The following DLG2 variants were observed in gnomAD, a reference collection of about 807,000 sequenced individuals.
DLG2 encodes the protein disks large homolog 2.
In DLG2, 45 loss-of-function variants were observed where a neutral mutation model predicts 132.5. The ratio of observed to expected loss-of-function variants is 0.34; its 90% CI spans 0.27 to 0.44. DLG2 has a LOEUF of 0.44. Among genes scored for constraint, DLG2 ranks in the 20% least tolerant of loss-of-function variants. DLG2 has a pLI of 1.00. For synonymous variants in DLG2, 424 were observed against 419.6 expected (o/e 1.01, Z -0.13); for missense variants, 1,045 against 1,196.9 (o/e 0.87, Z 1.87).
intron 3 of DLG2, among the ~76,000 whole-genome samples, chr11:85,538,497 C>T (rs1415284686): frequency 6.6e-6 from 1 of 151,840 alleles, no homozygotes; most frequent in Non-Finnish European, 1.5e-5. Flanking sequence ...TGGGTATATG[C>T]TCAAAGGAAT....
chr11:85,338,661 T>G (rs1002293672), intron 3 of DLG2, among the ~76,000 whole-genome samples: 5 of 151,854 alleles, frequency 3.3e-5, no homozygotes, highest in African/African-American at 9.7e-5. Flanking sequence ...ACTGCATCAC[T>G]TCCTTCCATC....
intron 6 of DLG2, among the ~76,000 whole-genome samples, chr11:85,027,302 G>T (rs757782955): frequency 6.7e-6 from 1 of 148,236 alleles, no homozygotes; most frequent in Non-Finnish European, 1.5e-5. Context: ...GTTAACACCA[G>T]CAATGTCTGG....
Position 84,654,785 on chromosome 11 carries a change from T to C in DLG2, c.358-120054A>G, listed in dbSNP as rs58217367. ...CATCACATTCATTCCCTTACTTTAG[T>C]AGTGTGTGCTGGCATGAAGTTCAGA... On this transcript the variant is annotated intron_variant, in intron 6 of 27. Transcript: ENST00000376104. Among the ~76,000 whole-genome samples, 876 of 152,248 alleles carry C rather than the reference T, an allele frequency of 5.8e-3. 7 individuals carry two copies. The highest frequency in any genetic ancestry group is 0.031 in the Middle Eastern group (9 of 294).
intron 6 of DLG2, among the ~76,000 whole-genome samples, chr11:84,590,222 GCTC>G (rs1212000659): frequency 6.6e-6 from 1 of 152,166 alleles, no homozygotes; most frequent in Non-Finnish European, 1.5e-5. Flanking sequence ...AATGGGATCA[GCTC>G]CTGAATTACC....
chr11:84,703,181 T>A (rs192499654), intron 6 of DLG2, among the ~76,000 whole-genome samples: 78 of 151,790 alleles, frequency 5.1e-4, no homozygotes, highest in African/African-American at 1.9e-3. Context: ...ATGAATGAAG[T>A]GTTCCTATGC....
At position 84,877,512 on chromosome 11, in the gene DLG2, C is replaced by CTTTTTTTTTTTTT. The variant is rs60339036; in HGVS notation, c.357+234136_357+234148dup. ...TCAGAGACTAGGATTGCAACCCCTG[C>CTTTTTTTTTTTTT]TTTTTTTTTTTTTTTTTTTTTTGCT... On this transcript the variant is annotated intron_variant, in intron 6 of 27. Coordinates refer to ENST00000376104, the MANE Select transcript of DLG2 (RefSeq NM_001142699.3). Among the ~76,000 whole-genome samples the CTTTTTTTTTTTTT allele has an allele frequency of 1.0e-3, 58 of 57,444 alleles. 1 individual carries two copies. Among genetic ancestry groups the CTTTTTTTTTTTTT allele is most frequent in the Middle Eastern group, 0.025 (1 of 40 alleles). 37.7% of individuals were successfully genotyped at this position (57,444 alleles called of 152,430 possible). A position where few individuals can be genotyped will look rare whatever the true frequency, so the allele number is the denominator to read the frequency against.
At chr11:84,913,515 A>C (rs2092259959) in intron 6 of DLG2, among the ~76,000 whole-genome samples, 1 of 152,200 alleles carries the variant, frequency 6.6e-6, no homozygotes, top group South Asian at 2.1e-4. Context: ...AAGAGAATAA[A>C]AAAGCTTCCC....
chr11:85,387,460 C>T (rs2086438327), intron 3 of DLG2, among the ~76,000 whole-genome samples: 1 of 152,132 alleles, frequency 6.6e-6, no homozygotes, highest in South Asian at 2.1e-4. Flanking sequence ...CTAGTGAGTT[C>T]TCAATTTAAT....
At chr11:84,114,081 A>C (rs1373406179) in intron 9 of DLG2, among the ~76,000 whole-genome samples, 1 of 152,032 alleles carries the variant, frequency 6.6e-6, no homozygotes, top group African/African-American at 2.4e-5. Flanking sequence ...CTTAAAAAAA[A>C]TAAAACTAGT....
chr11:84,203,581 C>CAAAAAAA (rs58934857), intron 8 of DLG2, among the ~76,000 whole-genome samples: 3,189 of 99,054 alleles, frequency 0.032, 273 homozygotes, highest in African/African-American at 0.13. Flanking sequence ...GACTCCGTCT[C>CAAAAAAA]AAAAAAAAAA....
intron 6 of DLG2, among the ~76,000 whole-genome samples, chr11:84,556,379 T>C (rs2099411975): frequency 6.6e-6 from 1 of 152,176 alleles, no homozygotes; most frequent in Admixed American, 6.5e-5. Context: ...TCTTCCTGAC[T>C]CGTATTTCTG....
chr11:83,777,523 C>G (rs1001711740), intron 18 of DLG2, among the ~76,000 whole-genome samples: 1 of 152,174 alleles, frequency 6.6e-6, no homozygotes, highest in Non-Finnish European at 1.5e-5. Context: ...CTCAAAAAAT[C>G]TATCTGCAAG....
chr11:83,709,466 C>G (rs1847618352), intron 18 of DLG2, among the ~76,000 whole-genome samples: 1 of 151,848 alleles, frequency 6.6e-6, no homozygotes, highest in Non-Finnish European at 1.5e-5. Flanking sequence ...TTCTGGCCAA[C>G]TAATCTGGGC....
chr11:84,602,454 T>C (rs1350047635), intron 6 of DLG2, among the ~76,000 whole-genome samples: 2 of 151,998 alleles, frequency 1.3e-5, no homozygotes, highest in East Asian at 1.9e-4. Context: ...TCAATCTTTC[T>C]ATCAGTTTCT....
At chr11:84,858,728 T>C (rs1222675281) in intron 6 of DLG2, among the ~76,000 whole-genome samples, 1 of 152,054 alleles carries the variant, frequency 6.6e-6, no homozygotes, top group Non-Finnish European at 1.5e-5. Flanking sequence ...ATGAGACAAG[T>C]ACTCAAACAA....
intron 6 of DLG2, among the ~76,000 whole-genome samples, chr11:84,952,446 G>A (rs1177005502): frequency 6.6e-6 from 1 of 152,138 alleles, no homozygotes; most frequent in African/African-American, 2.4e-5. Context: ...GAACCCGGAA[G>A]GCGGAGCTTG....
intron 6 of DLG2, among the ~76,000 whole-genome samples, chr11:84,714,553 CTCTCTTTCTCTTTCTCTTTCTCTT>C (rs780891728): frequency 9.2e-6 from 1 of 109,202 alleles, no homozygotes; most frequent in Non-Finnish European, 1.7e-5. Context: ...TTCTCTTTCT[CTCTCTTTCTCTTTCTCTTTCTCTT>C]TCTCTTTCTC....
chr11:83,832,976 G>GT (rs1595115222), intron 17 of DLG2, among the ~76,000 whole-genome samples: 1 of 152,046 alleles, frequency 6.6e-6, no homozygotes, highest in South Asian at 2.1e-4. Flanking sequence ...AGAAAAGTCT[G>GT]TTTTTTTAAA....
intron 6 of DLG2, among the ~76,000 whole-genome samples, chr11:84,667,492 TTTTTTG>T (rs1210823798): frequency 0.064 from 2,177 of 33,784 alleles, 54 homozygotes; most frequent in African/African-American, 0.21. Context: ...TTGTTTTTTG[TTTTTTG>T]TTTTTTTTTT....
Sources: allele counts gnomAD v4.1 joint callset (sites outside exome capture counted in the v4.1 genomes callset), GRCh38; gene constraint gnomAD v4.1.1; transcripts MANE v1.5; gene names NCBI Gene and HGNC (gene_info 2026-07-23, HGNC 2026-07-21).